Variants in CCDC7 observed in about 807,000 individuals in gnomAD.
The protein encoded by CCDC7 is coiled-coil domain-containing protein 7.
In CCDC7, 183 loss-of-function variants were observed where a neutral mutation model predicts 196.9. The observed-to-expected ratio is 0.93, with a 90% CI of 0.82 to 1.05. The LOEUF is 1.05. Among genes scored for constraint, CCDC7 ranks in the 50% least tolerant of loss-of-function variants. The pLI is 0.00. For synonymous variants in CCDC7, 525 were observed against 484.6 expected (o/e 1.08, Z -1.10); for missense variants, 1,540 against 1,482.2 (o/e 1.04, Z -0.64).
At chr10:32,673,940 C>T (rs1217927036) in intron 21 of CCDC7, among the ~76,000 whole-genome samples, 1 of 151,848 alleles carries the variant, frequency 6.6e-6, no homozygotes, top group East Asian at 1.9e-4. Flanking sequence ...TTTCTCATTT[C>T]CATGGCATCA....
rs779514031 is a variant in CCDC7, at chr10:32,565,538, T to TC, written c.1135-15dup. On this transcript the variant is annotated intron_variant, in intron 13 of 41. Transcript: ENST00000639629. The stretch of plus-strand genomic sequence containing the variant: ...AAAATACCAAAGTAAATACCTTTTT[T>TC]CCCCCTTCTTACTTCCTAGAAAGTA... 6.2e-7 allele frequency: 1 copy of TC among 1,604,358 alleles called. No homozygotes were observed. The highest frequency in any genetic ancestry group is 1.3e-5 in the African/African-American group (1 of 74,552).
At position 32,691,816 on chromosome 10, in the gene CCDC7, C is replaced by T. The variant is rs552879400; in HGVS notation, c.2344+2653C>T. On this transcript the variant is annotated intron_variant, in intron 23 of 41. Transcript: ENST00000639629. ...ATTGTAGCCTCTGCAGATGATGGCC[C>T]AAACATGTTTTCCAGTAGCAGGGAA... 3.9e-5 allele frequency among the ~76,000 whole-genome samples: 6 copies of T among 152,260 alleles called. No homozygotes were observed. The South Asian group carries it at 1.0e-3, about 26-fold the overall frequency.
intron 41 of CCDC7, among the ~76,000 whole-genome samples, chr10:32,862,937 T>C (rs2094060560): frequency 1.3e-5 from 2 of 152,088 alleles, no homozygotes; most frequent in South Asian, 4.1e-4. Flanking sequence ...TAAGCATTAA[T>C]TTAACCAAGG....
At chr10:32,662,853 CTTAT>C (rs1415011260) in intron 20 of CCDC7, among the ~76,000 whole-genome samples, 1 of 152,114 alleles carries the variant, frequency 6.6e-6, no homozygotes, top group Non-Finnish European at 1.5e-5. Context: ...GGTAAATGAT[CTTAT>C]TTGTCTTCTG....
chr10:32,824,119 C>A (rs780937865), intron 31 of CCDC7, among the ~76,000 whole-genome samples: 5 of 151,918 alleles, frequency 3.3e-5, no homozygotes, highest in Non-Finnish European at 5.9e-5. Flanking sequence ...ACCAGATATA[C>A]CCCTACAACA....
chr10:32,869,949 G>A (rs375977508), intron 41 of CCDC7, among the ~76,000 whole-genome samples: 2 of 151,966 alleles, frequency 1.3e-5, no homozygotes, highest in Non-Finnish European at 2.9e-5. Context: ...TGTTCCATTG[G>A]TCTATATCTC....
chr10:32,481,639 T>G (rs2039983404), intron 8 of CCDC7: 2 of 152,218 alleles, frequency 1.3e-5, no homozygotes, highest in South Asian at 4.1e-4. Context: ...TCATATGTAT[T>G]TGTGTTACTA....
At chr10:32,827,911 G>A (rs1464605330) in intron 32 of CCDC7, among the ~76,000 whole-genome samples, 3 of 152,036 alleles carry the variant, frequency 2.0e-5, no homozygotes, top group Admixed American at 2.0e-4. Flanking sequence ...CCCTTTCCAG[G>A]CATTTCCCAG....
intron 18 of CCDC7, chr10:32,623,778 C>T: frequency 2.1e-6 from 1 of 470,348 alleles, no homozygotes; most frequent in Non-Finnish European, 4.4e-6. Flanking sequence ...GGAGCTTCTA[C>T]TCGTGCAGGA....
intron 22 of CCDC7, among the ~76,000 whole-genome samples, chr10:32,687,999 T>C (rs1017426174): frequency 6.6e-6 from 1 of 152,188 alleles, no homozygotes; most frequent in African/African-American, 2.4e-5. Flanking sequence ...GAACTCATCA[T>C]GAGTGGGCCA....
intron 29 of CCDC7, among the ~76,000 whole-genome samples, chr10:32,794,274 C>T (rs2083190728): frequency 6.6e-6 from 1 of 152,140 alleles, no homozygotes; most frequent in South Asian, 2.1e-4. Flanking sequence ...TTTATAGTTG[C>T]ATCATTTCCG....
intron 16 of CCDC7, among the ~76,000 whole-genome samples, chr10:32,572,913 A>C (rs1427043178): frequency 2.0e-5 from 2 of 97,806 alleles, no homozygotes; most frequent in African/African-American, 8.1e-5. Flanking sequence ...TCTCGCTTTT[A>C]ATTGCCCAGG....
Position 32,628,691 on chromosome 10 carries a change from G to A in CCDC7, c.1802-5563G>A, listed in dbSNP as rs190478889. 1.1e-4 allele frequency among the ~76,000 whole-genome samples: 16 copies of A among 151,770 alleles called. No homozygotes were observed. The East Asian group carries it at 2.5e-3, about 24-fold the overall frequency. On this transcript the variant is annotated intron_variant, in intron 18 of 41. Transcript: ENST00000639629. The stretch of plus-strand genomic sequence containing the variant: ...CCATATTCCATATCCCCTAAGTTGT[G>A]GTATGTTGTATTTTCAGTTTCATTT...
intron 21 of CCDC7, among the ~76,000 whole-genome samples, chr10:32,673,537 G>A (rs1472612580): frequency 6.6e-6 from 1 of 151,948 alleles, no homozygotes; most frequent in Admixed American, 6.6e-5. Context: ...AAGTAGGATT[G>A]ATTTTGAATT....
At chr10:32,741,670 G>GA (rs1028647576) in intron 28 of CCDC7, among the ~76,000 whole-genome samples, 5 of 151,872 alleles carry the variant, frequency 3.3e-5, no homozygotes, top group African/African-American at 4.8e-5. Context: ...TCCCAAACAT[G>GA]AAAAAAATGT....
At chr10:32,444,850 G>GTTTTTTTTTTT (rs59116319), upstream of CCDC7, among the ~76,000 whole-genome samples, 3 of 140,272 alleles carry the variant, frequency 2.1e-5, no homozygotes, top group Non-Finnish European at 3.1e-5. Context: ...ATGCCTTCAT[G>GTTTTTTTTTTT]TTTTTTTTTT....
At chr10:32,570,110 G>A (rs2057367996) in intron 15 of CCDC7, among the ~76,000 whole-genome samples, 1 of 151,940 alleles carries the variant, frequency 6.6e-6, no homozygotes, top group Non-Finnish European at 1.5e-5. Context: ...TGTTTCAATG[G>A]GCTTCAAACA....
intron 11 of CCDC7, among the ~76,000 whole-genome samples, chr10:32,525,011 GC>G (rs2048435174): frequency 6.6e-6 from 1 of 150,890 alleles, no homozygotes; most frequent in Admixed American, 6.6e-5. Context: ...CTCTTAAAGT[GC>G]CCTCATGAGG....
chr10:32,744,087 T>G (rs1229995068), intron 28 of CCDC7, among the ~76,000 whole-genome samples: 1 of 150,554 alleles, frequency 6.6e-6, no homozygotes, highest in Non-Finnish European at 1.5e-5. Context: ...TGTATACATA[T>G]GTAACAAACC....
Sources: allele counts gnomAD v4.1 joint callset (sites outside exome capture counted in the v4.1 genomes callset), GRCh38; gene constraint gnomAD v4.1.1; transcripts MANE v1.5; gene names NCBI Gene and HGNC (gene_info 2026-07-23, HGNC 2026-07-21).